Variants in PXDN observed in about 807,000 individuals in gnomAD.
The protein encoded by PXDN is peroxidasin.
In PXDN, 77 loss-of-function variants were observed where a neutral mutation model predicts 140.3. The ratio of observed to expected loss-of-function variants is 0.55; its 90% CI spans 0.46 to 0.66. PXDN has a LOEUF of 0.66. Among genes scored for constraint, PXDN ranks in the 30% least tolerant of loss-of-function variants. The pLI, the probability that PXDN is intolerant of heterozygous loss-of-function variation, is 0.00. For missense variants in PXDN, 1,838 were observed against 2,039.5 expected (o/e 0.90, Z 1.90); for synonymous variants, 911 against 857.4 (o/e 1.06, Z -1.09).
At chr2:1,718,554 C>T (rs1371679040) in intron 1 of PXDN, among the ~76,000 whole-genome samples, 1 of 152,168 alleles carries the variant, frequency 6.6e-6, no homozygotes, top group Non-Finnish European at 1.5e-5. Flanking sequence ...ACTCCACTGA[C>T]CTACCACCCA....
intron 9 of PXDN, among the ~76,000 whole-genome samples, 195 bp from the exon 10 acceptor site, chr2:1,666,681 T>C (rs1683452252): frequency 6.6e-6 from 1 of 152,090 alleles, no homozygotes; most frequent in Non-Finnish European, 1.5e-5. Flanking sequence ...TCAAACAAAA[T>C]GCAGGCCACG....
chr2:1,709,593 C>T (rs887263383), intron 1 of PXDN, among the ~76,000 whole-genome samples: 2 of 152,148 alleles, frequency 1.3e-5, no homozygotes, highest in African/African-American at 2.4e-5. Flanking sequence ...GAACAAGATG[C>T]GCTCCTGACT....
In PXDN at chr2:1,682,273, A is replaced by G. The variant is rs377096141; in HGVS notation, c.560+1383T>C. Among the ~76,000 whole-genome samples, 35 of 152,256 alleles carry G rather than the reference A, an allele frequency of 2.3e-4. No homozygotes were observed. In the East Asian group the frequency reaches 2.7e-3, roughly 12 times the overall value. On this transcript the variant is annotated intron_variant, in intron 6 of 22. Coordinates refer to ENST00000252804, the MANE Select transcript of PXDN (RefSeq NM_012293.3). ...TCTTTCTCCTCTCTGTTATCTATCA[A>G]ATATGGAAGTATTCATCCCATCTTC...
At chr2:1,665,118 C>G in intron 10 of PXDN, 44 bp from the exon 11 acceptor site, 1 of 1,447,814 alleles carries the variant, frequency 6.9e-7, no homozygotes, top group Non-Finnish European at 9.5e-7. Flanking sequence ...TAAAAAACAG[C>G]CTGGGGTAAA....
intron 1 of PXDN, among the ~76,000 whole-genome samples, chr2:1,704,432 GTA>G (rs1298398992): frequency 1.7e-5 from 1 of 59,674 alleles, no homozygotes; most frequent in Non-Finnish European, 2.9e-5. Flanking sequence ...CCAGGTGAAG[GTA>G]GGGGACAACT....
At chr2:1,663,321 GA>G (rs935255307) in intron 12 of PXDN, among the ~76,000 whole-genome samples, 4 of 152,004 alleles carry the variant, frequency 2.6e-5, no homozygotes, top group Admixed American at 2.0e-4. Flanking sequence ...TTAACCAAGG[GA>G]AAAAACCTGA....
chr2:1,687,426 G>T lies in PXDN; in HGVS notation c.416+206C>A, dbSNP rs1684086502. Reference sequence around the variant, plus strand: ...AACCAGGGATACGTCCTGAGGGGTGGGTGGAGGGCTGGCTGGGTGGAAGGC... The same window carrying T: ...AACCAGGGATACGTCCTGAGGGGTGTGTGGAGGGCTGGCTGGGTGGAAGGC... On this transcript the variant is annotated intron_variant, in intron 4 of 22. Coordinates refer to ENST00000252804, the MANE Select transcript of PXDN (RefSeq NM_012293.3). The surrounding 1 kb of genome is among the most constrained non-coding windows in gnomAD (Gnocchi z 4.0). Among the ~76,000 whole-genome samples, 1 of 152,206 alleles carries T rather than the reference G, an allele frequency of 6.6e-6. No homozygotes were observed. The highest frequency in any genetic ancestry group is 2.4e-5 in the African/African-American group (1 of 41,446).
intron 1 of PXDN, among the ~76,000 whole-genome samples, chr2:1,697,800 C>G (rs1278668059): frequency 6.6e-6 from 1 of 152,184 alleles, no homozygotes; most frequent in Non-Finnish European, 1.5e-5. Flanking sequence ...GTGCCACATG[C>G]CAATGAGTGG....
At chr2:1,722,123 T>A (rs1463002186) in intron 1 of PXDN, among the ~76,000 whole-genome samples, 1 of 152,046 alleles carries the variant, frequency 6.6e-6, no homozygotes, top group Non-Finnish European at 1.5e-5. Flanking sequence ...GTGTTGACAA[T>A]GGATGGGCTG....
intron 1 of PXDN, among the ~76,000 whole-genome samples, chr2:1,733,194 A>G (rs1685350011): frequency 6.6e-6 from 1 of 152,182 alleles, no homozygotes; most frequent in Admixed American, 6.5e-5. Flanking sequence ...GATTTTCCAA[A>G]TTTGAAGAAA....
chr2:1,693,245 C>T (rs961445471), intron 1 of PXDN, 111 bp from the exon 2 acceptor site: 8 of 774,350 alleles, frequency 1.0e-5, no homozygotes, highest in South Asian at 1.9e-5. Context: ...AATATTAAAC[C>T]ACCCAGTTCA....
In PXDN at chr2:1,744,510, G is replaced by A. The variant is rs995408417; in HGVS notation, c.-55C>T. 3 of 1,312,618 alleles carry A rather than the reference G, an allele frequency of 2.3e-6. No homozygotes were observed. The African/African-American group carries it at 4.7e-5, about 20-fold the overall frequency. The allele number at this position is 1,312,618 out of a possible 1,614,324, so 81.3% of individuals were successfully genotyped here. A position where few individuals can be genotyped will look rare whatever the true frequency, so the allele number is the denominator to read the frequency against. Reference sequence around the variant, plus strand: ...CACGGAGCCACCACGGCCGGCTCCCGACTGCGCCCGCCCGGCCGCGGCCCA... The same window carrying A: ...CACGGAGCCACCACGGCCGGCTCCCAACTGCGCCCGCCCGGCCGCGGCCCA... On this transcript the variant is annotated 5_prime_UTR_variant, in exon 1 of 23. Transcript: ENST00000252804.
At position 1,637,693 on chromosome 2, in the gene PXDN, C is replaced by T. The variant is rs79292803; in HGVS notation, c.4206+1153G>A. Among the ~76,000 whole-genome samples, 326 of 116,744 alleles carry T rather than the reference C, an allele frequency of 2.8e-3. 66 individuals are homozygous for T. The East Asian group carries it at 0.059, about 21-fold the overall frequency. The allele number at this position is 116,744 out of a possible 152,430, so 76.6% of individuals were successfully genotyped here. On this transcript the variant is annotated intron_variant, in intron 21 of 22. Transcript: ENST00000252804. The stretch of plus-strand genomic sequence containing the variant: ...TGTGGAGGCAGGAGGACCTGCCACA[C>T]GCTGTCCACTCTGACAGCTGCCTGG...
At chr2:1,688,273 A>G (rs768185073) in intron 3 of PXDN, among the ~76,000 whole-genome samples, 2 of 152,202 alleles carry the variant, frequency 1.3e-5, no homozygotes, top group African/African-American at 4.8e-5. Flanking sequence ...GGAGAATCCT[A>G]TTTCCTAACA....
intron 9 of PXDN, among the ~76,000 whole-genome samples, chr2:1,670,307 A>G (rs1161844596): frequency 6.6e-6 from 1 of 152,252 alleles, no homozygotes; most frequent in African/African-American, 2.4e-5. Context: ...ATACAAAGAA[A>G]GAGAGTAAGA....
intron 9 of PXDN, among the ~76,000 whole-genome samples, chr2:1,667,955 T>C (rs2125429498): frequency 6.6e-6 from 1 of 152,312 alleles, no homozygotes; most frequent in Non-Finnish European, 1.5e-5. Flanking sequence ...AAAACTACTT[T>C]AAATTTCATA....
rs188929201 is a variant in PXDN, at chr2:1,707,027, T to A, written c.201-13893A>T. 7.9e-5 allele frequency among the ~76,000 whole-genome samples: 10 copies of A among 127,046 alleles called. No homozygotes were observed. The East Asian group carries it at 3.2e-3, about 40-fold the overall frequency. 83.3% of individuals were successfully genotyped at this position (127,046 alleles called of 152,430 possible). On this transcript the variant is annotated intron_variant, in intron 1 of 22. Coordinates refer to ENST00000252804, the MANE Select transcript of PXDN (RefSeq NM_012293.3). ...ATCACCTGCCCCACTAATAATACAA[T>A]CTGAGAGCATGCTTCAGTGTTCAGC...
chr2:1,728,015 A>G (rs1037427421), intron 1 of PXDN, among the ~76,000 whole-genome samples: 2 of 152,178 alleles, frequency 1.3e-5, no homozygotes, highest in African/African-American at 4.8e-5. Context: ...AGCTCACTGC[A>G]GCCTTAACCT....
intron 14 of PXDN, among the ~76,000 whole-genome samples, chr2:1,655,336 C>T (rs907573754): frequency 6.6e-6 from 1 of 150,844 alleles, no homozygotes; most frequent in Admixed American, 6.6e-5. Flanking sequence ...AGATACATAC[C>T]ACACACACAC....
Sources: gnomAD v4.1 joint callset for allele counts (sites outside exome capture counted in the v4.1 genomes callset) on GRCh38, gnomAD v4.1.1 for gene constraint, Gnocchi (gnomAD v3.1) non-coding constraint, MANE v1.5 for transcripts, NCBI Gene and HGNC (gene_info 2026-07-23, HGNC 2026-07-21) for gene names.